Variants in AFF3 observed in about 807,000 individuals in gnomAD.
The protein encoded by AFF3 is ALF transcription elongation factor 3.
In AFF3, 32 loss-of-function variants were observed where a neutral mutation model predicts 129.7. That is an observed-to-expected ratio of 0.25 (90% CI 0.19 to 0.33). The LOEUF (loss-of-function observed/expected upper bound fraction) is 0.33. Among genes scored for constraint, AFF3 ranks in the 10% least tolerant of loss-of-function variants. AFF3 has a pLI of 1.00. For missense variants in AFF3, 1,373 were observed against 1,592.0 expected (o/e 0.86, Z 2.34); for synonymous variants, 644 against 635.4 (o/e 1.01, Z -0.20).
At chr2:99,951,361 C>A (rs764071477) in intron 7 of AFF3, among the ~76,000 whole-genome samples, 2 of 152,186 alleles carry the variant, frequency 1.3e-5, no homozygotes, top group African/African-American at 4.8e-5. Flanking sequence ...CCTAACCCTG[C>A]CAAATGCTCA....
intron 11 of AFF3, chr2:99,707,325 C>G: frequency 1.0e-6 from 1 of 984,936 alleles, no homozygotes. Context: ...AAAAATCAAT[C>G]TTGAAGCTGT....
At chr2:99,578,958 G>A (rs764658924) in intron 17 of AFF3, among the ~76,000 whole-genome samples, 13 of 152,132 alleles carry the variant, frequency 8.5e-5, no homozygotes, top group Non-Finnish European at 1.2e-4. Flanking sequence ...CCGGTGATGC[G>A]GATGCTGTAA....
At chr2:99,899,292 T>C (rs1396359503) in intron 7 of AFF3, among the ~76,000 whole-genome samples, 1 of 152,196 alleles carries the variant, frequency 6.6e-6, no homozygotes, top group East Asian at 1.9e-4. Context: ...CTTGCTCAGC[T>C]ACAGATAAAT....
chr2:99,933,312 T>C (rs546340281), intron 7 of AFF3, among the ~76,000 whole-genome samples: 27 of 152,222 alleles, frequency 1.8e-4, no homozygotes, highest in African/African-American at 6.5e-4. Context: ...ACATAGTATT[T>C]AGCTTAAGAA....
At chr2:99,946,855 A>C (rs1558999298) in intron 7 of AFF3, among the ~76,000 whole-genome samples, 3 of 152,204 alleles carry the variant, frequency 2.0e-5, no homozygotes, top group African/African-American at 7.2e-5. Context: ...AATAACTAAC[A>C]AACTAATTAC....
chr2:99,730,057 C>T (rs1679691298), intron 10 of AFF3, among the ~76,000 whole-genome samples: 1 of 152,180 alleles, frequency 6.6e-6, no homozygotes, highest in South Asian at 2.1e-4. Flanking sequence ...GTATTATACA[C>T]TTTCAATTTG....
chr2:99,887,759 G>A (rs1693227170), intron 7 of AFF3, among the ~76,000 whole-genome samples: 1 of 152,190 alleles, frequency 6.6e-6, no homozygotes, highest in Non-Finnish European at 1.5e-5. Context: ...AAGGCATCGT[G>A]CTCAACTCTT....
At chr2:99,934,762 G>A (rs537210309) in intron 7 of AFF3, among the ~76,000 whole-genome samples, 12 of 152,192 alleles carry the variant, frequency 7.9e-5, no homozygotes, top group Admixed American at 1.3e-4. Flanking sequence ...TAGTGCCTCT[G>A]TCGGGGAGAA....
chr2:100,083,414 G>A (rs1332805131), intron 4 of AFF3, among the ~76,000 whole-genome samples: 4 of 152,156 alleles, frequency 2.6e-5, no homozygotes, highest in South Asian at 4.1e-4. Context: ...ACAGGTCACC[G>A]CAAGCCCCTG....
chr2:100,136,502 C>CTATG (rs1692646630), intron 1 of AFF3, among the ~76,000 whole-genome samples: 1 of 152,160 alleles, frequency 6.6e-6, no homozygotes, highest in African/African-American at 2.4e-5. Flanking sequence ...TATGACTGTC[C>CTATG]TCATTCTTGA....
chr2:99,754,804 C>A (rs1193722355), intron 8 of AFF3, among the ~76,000 whole-genome samples: 1 of 152,170 alleles, frequency 6.6e-6, no homozygotes, highest in African/African-American at 2.4e-5. Flanking sequence ...CAGGGTCCAT[C>A]CCTGAGCACC....
intron 20 of AFF3, 44 bp from the exon 21 acceptor site, chr2:99,560,480 A>C (rs1479445663): frequency 1.3e-6 from 2 of 1,573,862 alleles, no homozygotes; most frequent in Middle Eastern, 1.7e-4. Context: ...AAACATAAAA[A>C]GCAAAGAAAT....
chr2:100,008,944 A>T lies in AFF3; in HGVS notation c.54-12T>A. 1 of 1,613,262 alleles carries T rather than the reference A, an allele frequency of 6.2e-7. No individual in the cohort carries two copies. Among genetic ancestry groups the T allele is most frequent in the Non-Finnish European group, 8.5e-7 (1 of 1,179,652 alleles). On this transcript the variant is annotated splice_polypyrimidine_tract_variant and intron_variant, in intron 4 of 24. Coordinates refer to ENST00000672756, the MANE Select transcript of AFF3 (RefSeq NM_001386135.1). ...CTGGTTCATAGACACTGCATCAGGA[A>T]AAAGAAGAGAGAACAACCACACACA...
intron 14 of AFF3, among the ~76,000 whole-genome samples, chr2:99,598,787 G>C (rs1481592829): frequency 6.6e-6 from 1 of 152,240 alleles, no homozygotes; most frequent in African/African-American, 2.4e-5. Context: ...ACCTGGGCCA[G>C]CTCCGCCAGA....
At chr2:99,676,849 C>T (rs1673980897) in intron 11 of AFF3, among the ~76,000 whole-genome samples, 1 of 152,162 alleles carries the variant, frequency 6.6e-6, no homozygotes, top group Admixed American at 6.5e-5. Flanking sequence ...GCCTATCAGC[C>T]CCAGTGCACG....
chr2:100,033,424 T>C (rs1166123297), intron 4 of AFF3, among the ~76,000 whole-genome samples: 2 of 152,224 alleles, frequency 1.3e-5, no homozygotes, highest in Non-Finnish European at 2.9e-5. Flanking sequence ...GTGGGATACG[T>C]GAATCGTTAC....
chr2:99,710,125 G>A (rs986684725), intron 11 of AFF3, among the ~76,000 whole-genome samples: 2 of 152,146 alleles, frequency 1.3e-5, no homozygotes, highest in African/African-American at 4.8e-5. Flanking sequence ...ATAAAGATTC[G>A]AAGAGCTGAT....
intron 20 of AFF3, among the ~76,000 whole-genome samples, chr2:99,563,218 TCTCG>T (rs1675638717): frequency 6.6e-6 from 1 of 150,484 alleles, no homozygotes; most frequent in African/African-American, 2.4e-5. Flanking sequence ...TGAGACAGAG[TCTCG>T]CTCTGTCGCC....
intron 10 of AFF3, among the ~76,000 whole-genome samples, chr2:99,740,731 T>C (rs1284135501): frequency 2.0e-5 from 3 of 150,198 alleles, no homozygotes; most frequent in Non-Finnish European, 3.0e-5. Context: ...GTCAGATGAG[T>C]AGGTTGTGAA....
Sources: allele counts gnomAD v4.1 joint callset (sites outside exome capture counted in the v4.1 genomes callset), GRCh38; gene constraint gnomAD v4.1.1; transcripts MANE v1.5; gene names NCBI Gene and HGNC (gene_info 2026-07-23, HGNC 2026-07-21).